FNBP1: variants seen among roughly 807,000 people sequenced by gnomAD.
The protein encoded by FNBP1 is formin binding protein 1, also known as formin-binding protein 1.
In FNBP1, 26 loss-of-function variants were observed where a neutral mutation model predicts 90.6. That is an observed-to-expected ratio of 0.29 (90% CI 0.21 to 0.40). The LOEUF is 0.40. Ranked by LOEUF, FNBP1 falls within the 10% of genes least tolerant of loss-of-function variation. FNBP1 has a pLI of 1.00. For synonymous variants in FNBP1, 260 were observed against 265.2 expected (o/e 0.98, Z 0.19); for missense variants, 635 against 768.0 (o/e 0.83, Z 2.05).
At chr9:130,024,898 C>T (rs2058190014) in intron 1 of FNBP1, among the ~76,000 whole-genome samples, 1 of 152,142 alleles carries the variant, frequency 6.6e-6, no homozygotes, top group Non-Finnish European at 1.5e-5. Context: ...CAAACTACTC[C>T]CTGATGCCAG....
intron 7 of FNBP1, among the ~76,000 whole-genome samples, chr9:129,928,858 AG>A (rs1191580914): frequency 2.0e-5 from 3 of 152,118 alleles, no homozygotes; most frequent in African/African-American, 7.2e-5. Flanking sequence ...TGGGAGGCCA[AG>A]GCTGGAGAAC....
intron 1 of FNBP1, among the ~76,000 whole-genome samples, chr9:130,017,915 C>CTTT (rs1233394287): frequency 7.8e-5 from 4 of 51,562 alleles, no homozygotes; most frequent in East Asian, 6.9e-4. Context: ...CAACACTCTT[C>CTTT]TTTTTTTTTT....
At chr9:129,968,879 TC>T (rs2049013655) in intron 4 of FNBP1, among the ~76,000 whole-genome samples, 1 of 152,210 alleles carries the variant, frequency 6.6e-6, no homozygotes, top group South Asian at 2.1e-4. Flanking sequence ...AACCATATTT[TC>T]CACCTGCAGG....
chr9:129,989,888 A>C (rs1001001682), intron 2 of FNBP1, among the ~76,000 whole-genome samples: 7 of 152,136 alleles, frequency 4.6e-5, no homozygotes, highest in Non-Finnish European at 1.5e-5. Flanking sequence ...AGATACAAAA[A>C]TTAGCCGGGT....
At position 129,895,866 on chromosome 9, in the gene FNBP1, G is replaced by A. The variant is rs777054275; in HGVS notation, c.1818C>T (p.Val606=). 10 of 1,611,432 alleles carry A rather than the reference G, an allele frequency of 6.2e-6. No individual in the cohort carries two copies. Among genetic ancestry groups the A allele is most frequent in the Non-Finnish European group, 8.5e-6 (10 of 1,179,110 alleles). ...DEEGYVPTSY[V]EVCLDKNAKD... is the part of the protein sequence containing the mutation. ...TGGCATTTTTGTCCAAACAGACTTC[G>A]ACATATGAAGTGGGGACATAACCCT... is the stretch of plus-strand genomic sequence containing the variant. Residue 606 remains valine, a synonymous_variant, in exon 16 of 17, where the codon GTC becomes GTT. Coordinates refer to ENST00000446176, the MANE Select transcript of FNBP1 (RefSeq NM_015033.3).
intron 3 of FNBP1, 35 bp downstream of exon 3, chr9:129,979,283 G>A (rs1051094555): frequency 7.7e-7 from 1 of 1,304,694 alleles, no homozygotes; most frequent in East Asian, 2.3e-5. Context: ...AATGGCATGT[G>A]TCTATTACAA....
chr9:129,969,574 T>A (rs1265089670), intron 4 of FNBP1, among the ~76,000 whole-genome samples: 3 of 152,150 alleles, frequency 2.0e-5, no homozygotes, highest in South Asian at 2.1e-4. Context: ...CTTTCTTTTT[T>A]AATATCTCTT....
chr9:129,967,447 G>A (rs370428378), intron 4 of FNBP1, among the ~76,000 whole-genome samples: 12 of 152,114 alleles, frequency 7.9e-5, no homozygotes, highest in Admixed American at 6.5e-4. Context: ...ACCGGGAGGC[G>A]GAACTTGCAG....
chr9:129,977,060 G>A (rs1055187345), intron 4 of FNBP1, among the ~76,000 whole-genome samples: 2 of 151,684 alleles, frequency 1.3e-5, no homozygotes, highest in Admixed American at 1.3e-4. Context: ...CTCAGCTACT[G>A]AGGGAGGAGA....
intron 8 of FNBP1, among the ~76,000 whole-genome samples, chr9:129,926,810 C>T (rs1287548553): frequency 2.6e-5 from 4 of 151,154 alleles, no homozygotes; most frequent in African/African-American, 9.7e-5. Context: ...CGCTTGAACC[C>T]GGGAGGTGGA....
chr9:129,960,865 A>G (rs1235722300), intron 4 of FNBP1, among the ~76,000 whole-genome samples: 3 of 152,028 alleles, frequency 2.0e-5, no homozygotes, highest in African/African-American at 7.3e-5. Context: ...TCTGGGAGAT[A>G]AGATGAGATG....
upstream of FNBP1, among the ~76,000 whole-genome samples, chr9:130,048,086 G>C (rs2060070554): frequency 6.6e-6 from 1 of 151,814 alleles, no homozygotes; most frequent in Non-Finnish European, 1.5e-5. Flanking sequence ...TTAGGAGGCC[G>C]AGGCAGGCGG....
In FNBP1 at chr9:129,978,614, T is replaced by C; in HGVS notation, c.198-2A>G. On this transcript the variant is annotated splice_acceptor_variant, in intron 3 of 16. Transcript: ENST00000446176. LOFTEE classifies it high-confidence loss of function. ...ATGAAAGCTTTACATGACGTATACC[T>C]ATGGAACAGAACACACGCCACTCTG... 1 of 1,613,418 alleles carries C rather than the reference T, an allele frequency of 6.2e-7. No individual in the cohort carries two copies. Among genetic ancestry groups the C allele is most frequent in the Non-Finnish European group, 8.5e-7 (1 of 1,179,552 alleles).
intron 1 of FNBP1, among the ~76,000 whole-genome samples, chr9:130,019,496 C>A (rs1050930773): frequency 4.6e-5 from 7 of 152,028 alleles, no homozygotes; most frequent in African/African-American, 1.7e-4. Context: ...TTTGGAATAT[C>A]AATTTTGTAA....
intron 15 of FNBP1, among the ~76,000 whole-genome samples, chr9:129,899,034 A>G (rs574508882): frequency 1.3e-5 from 2 of 152,172 alleles, no homozygotes; most frequent in East Asian, 3.9e-4. Context: ...TACCATGAGT[A>G]GGATAAAAGC....
intron 1 of FNBP1, among the ~76,000 whole-genome samples, chr9:130,010,296 C>G (rs971689119): frequency 1.3e-5 from 2 of 152,182 alleles, no homozygotes; most frequent in African/African-American, 4.8e-5. Flanking sequence ...TGTCTTATTA[C>G]AGGATCACTT....
At chr9:130,000,987 A>T (rs2054746957) in intron 1 of FNBP1, among the ~76,000 whole-genome samples, 1 of 152,216 alleles carries the variant, frequency 6.6e-6, no homozygotes, top group Non-Finnish European at 1.5e-5. Flanking sequence ...AAAATGAATA[A>T]TCTTCACTGT....
At chr9:129,911,351 G>A (rs1336534198) in intron 11 of FNBP1, among the ~76,000 whole-genome samples, 1 of 152,190 alleles carries the variant, frequency 6.6e-6, no homozygotes, top group African/African-American at 2.4e-5. Flanking sequence ...GGCTGCACAG[G>A]GAGGCCAAGA....
At chr9:129,933,304 TTAGAATATTTTACCCAAG>T (rs1243596147) in intron 6 of FNBP1, among the ~76,000 whole-genome samples, 4 of 152,236 alleles carry the variant, frequency 2.6e-5, no homozygotes, top group Non-Finnish European at 2.9e-5. Context: ...CGCCAATATT[TTAGAATATTTTACCCAAG>T]TAGAATATTT....
Sources: gnomAD v4.1 joint callset for allele counts (sites outside exome capture counted in the v4.1 genomes callset) on GRCh38, gnomAD v4.1.1 for gene constraint, MANE v1.5 for transcripts, NCBI Gene and HGNC (gene_info 2026-07-23, HGNC 2026-07-21) for gene names.